Variants in CDC42SE2 observed in about 807,000 individuals in gnomAD.
CDC42SE2 encodes CDC42 small effector 2.
CDC42SE2 carries 3 observed loss-of-function variants against 11.5 expected under a neutral mutation model. The observed-to-expected ratio is 0.26, with a 90% CI of 0.12 to 0.67. CDC42SE2 has a LOEUF of 0.67. Among genes scored for constraint, CDC42SE2 ranks in the 30% least tolerant of loss-of-function variants. CDC42SE2 has a pLI of 0.80. For missense variants in CDC42SE2, 82 were observed against 106.8 expected (o/e 0.77, Z 1.02); for synonymous variants, 33 against 34.8 (o/e 0.95, Z 0.18).
At chr5:131,236,025 C>G in the CDC42SE2 span, among the ~76,000 whole-genome samples, 1 of 152,058 alleles carries the variant, frequency 6.6e-6, no homozygotes, top group African/African-American at 2.4e-5. Context: ...TATTAAGAAC[C>G]ATTGTTATTT....
At chr5:131,318,397 A>G (rs1010102093) in intron 2 of CDC42SE2, among the ~76,000 whole-genome samples, 2 of 152,316 alleles carry the variant, frequency 1.3e-5, no homozygotes, top group African/African-American at 4.8e-5. Context: ...GGAATGGAAC[A>G]TGTTTCCTAC....
chr5:131,260,114 CTT>C (rs909523527), upstream of CDC42SE2, among the ~76,000 whole-genome samples: 1 of 152,180 alleles, frequency 6.6e-6, no homozygotes. Context: ...CTTGAGTTCT[CTT>C]ATATATTTCT....
intron 1 of CDC42SE2, among the ~76,000 whole-genome samples, chr5:131,289,609 C>T (rs1255446319): frequency 6.6e-6 from 1 of 151,566 alleles, no homozygotes; most frequent in Non-Finnish European, 1.5e-5. Flanking sequence ...GGAGGCAGAG[C>T]TTGCAGTGAG....
the CDC42SE2 span, among the ~76,000 whole-genome samples, chr5:131,214,073 A>G: frequency 5.3e-5 from 8 of 152,364 alleles, no homozygotes; most frequent in South Asian, 1.7e-3. Flanking sequence ...ATTAGCAACT[A>G]AATACAGTGT....
chr5:131,375,862 G>C (rs949199305), intron 3 of CDC42SE2, among the ~76,000 whole-genome samples: 5 of 152,062 alleles, frequency 3.3e-5, no homozygotes, highest in African/African-American at 1.2e-4. Context: ...TCCACAGGCA[G>C]TTTTATCAAC....
At chr5:131,340,397 T>C (rs1758684071) in intron 2 of CDC42SE2, among the ~76,000 whole-genome samples, 1 of 152,144 alleles carries the variant, frequency 6.6e-6, no homozygotes, top group African/African-American at 2.4e-5. Context: ...GGCAGAAACA[T>C]AATTTATGTA....
intron 2 of CDC42SE2, among the ~76,000 whole-genome samples, chr5:131,323,899 ATT>A (rs1279096799): frequency 1.3e-5 from 2 of 152,148 alleles, no homozygotes; most frequent in African/African-American, 2.4e-5. Context: ...GTTGTTAAGA[ATT>A]TTATCCAGAG....
At chr5:131,297,145 ATACTT>A (rs1161354590) in intron 1 of CDC42SE2, among the ~76,000 whole-genome samples, 2 of 132,192 alleles carry the variant, frequency 1.5e-5, no homozygotes, top group African/African-American at 5.9e-5. Context: ...TTCAGATTAA[ATACTT>A]TATATTCTTT....
chr5:131,331,598 A>G (rs1362486572), intron 2 of CDC42SE2, among the ~76,000 whole-genome samples: 1 of 152,198 alleles, frequency 6.6e-6, no homozygotes, highest in Admixed American at 6.5e-5. Context: ...TCATGGCTTT[A>G]TAATCTAGTT....
In CDC42SE2 at chr5:131,279,011, C is replaced by G. The variant is rs141986749; in HGVS notation, c.-455+14845C>G. 1.3e-3 allele frequency among the ~76,000 whole-genome samples: 201 copies of G among 151,340 alleles called. 2 individuals carry two copies. The East Asian group carries it at 0.033, about 25-fold the overall frequency. On this transcript the variant is annotated intron_variant, in intron 1 of 4. Coordinates refer to ENST00000505065, the MANE Select transcript of CDC42SE2 (RefSeq NM_001375635.1). Reference sequence around the variant, plus strand: ...TGTTGGCCAGACTGGTCTTGAACTCCCAACCTCAAGTGATGCGCATGCCTC... The same window carrying G: ...TGTTGGCCAGACTGGTCTTGAACTCGCAACCTCAAGTGATGCGCATGCCTC...
chr5:131,214,858 A>G, the CDC42SE2 span, among the ~76,000 whole-genome samples: 2 of 152,212 alleles, frequency 1.3e-5, no homozygotes, highest in Non-Finnish European at 2.9e-5. Context: ...TCTGCAGCCA[A>G]CACTCTCAGG....
At chr5:131,282,909 G>T (rs977279210) in intron 1 of CDC42SE2, among the ~76,000 whole-genome samples, 2 of 147,282 alleles carry the variant, frequency 1.4e-5, no homozygotes, top group African/African-American at 2.5e-5. Flanking sequence ...GATTACAAGT[G>T]TGAGCCACTG....
At chr5:131,217,358 A>G in the CDC42SE2 span, among the ~76,000 whole-genome samples, 7 of 152,230 alleles carry the variant, frequency 4.6e-5, no homozygotes, top group Non-Finnish European at 8.8e-5. Context: ...TAATTTTCCT[A>G]TGCTATCTGT....
In CDC42SE2 at chr5:131,394,130, T is replaced by G. The variant is rs1026120878; in HGVS notation, c.*3039T>G. On this transcript the variant is annotated 3_prime_UTR_variant, in exon 5 of 5. Transcript: ENST00000505065. ...ATCTCAAGAGGTCATTTGTTCCCCA[T>G]AGCAGCATATCTCATTTTTAAATTG... 1 of 152,358 alleles carries G rather than the reference T, an allele frequency of 6.6e-6. No homozygotes were observed. Among genetic ancestry groups the G allele is most frequent in the South Asian group, 2.1e-4 (1 of 4,836 alleles). 9.4% of individuals were successfully genotyped at this position (152,358 alleles called of 1,614,324 possible).
At chr5:131,287,059 A>G (rs764415644) in intron 1 of CDC42SE2, among the ~76,000 whole-genome samples, 12 of 152,060 alleles carry the variant, frequency 7.9e-5, no homozygotes, top group Admixed American at 2.0e-4. Context: ...CAGTGGCGCA[A>G]TCTTGGCTGA....
chr5:131,301,552 G>A (rs1757683230), intron 1 of CDC42SE2, among the ~76,000 whole-genome samples: 1 of 152,040 alleles, frequency 6.6e-6, no homozygotes, highest in Non-Finnish European at 1.5e-5. Flanking sequence ...GAGGTCAGGA[G>A]TTCGAGACCA....
At chr5:131,236,817 A>C in the CDC42SE2 span, among the ~76,000 whole-genome samples, 3 of 152,188 alleles carry the variant, frequency 2.0e-5, no homozygotes, top group Admixed American at 6.5e-5. Flanking sequence ...TCTGACCTTT[A>C]CTATAAACTA....
At chr5:131,309,282 C>A (rs1363860251) in intron 1 of CDC42SE2, among the ~76,000 whole-genome samples, 1 of 150,534 alleles carries the variant, frequency 6.6e-6, no homozygotes, top group African/African-American at 2.4e-5. Context: ...AGCCTTGCAT[C>A]CCAGGGATGA....
chr5:131,365,808 C>T (rs1749836754), intron 3 of CDC42SE2, among the ~76,000 whole-genome samples: 1 of 152,050 alleles, frequency 6.6e-6, no homozygotes, highest in African/African-American at 2.4e-5. Context: ...TGGTGAAACC[C>T]CGTCTCTACT....
Sources: allele counts gnomAD v4.1 joint callset (sites outside exome capture counted in the v4.1 genomes callset), GRCh38; gene constraint gnomAD v4.1.1; transcripts MANE v1.5; gene names NCBI Gene and HGNC (gene_info 2026-07-23, HGNC 2026-07-21).